Variants in VAT1L observed in about 807,000 individuals in gnomAD.
The protein encoded by VAT1L is vesicle amine transport 1 like.
In VAT1L, 34 loss-of-function variants were observed where a neutral mutation model predicts 44.1. That is an observed-to-expected ratio of 0.77 (90% CI 0.59 to 1.03). The LOEUF (loss-of-function observed/expected upper bound fraction) is 1.03. Among genes scored for constraint, VAT1L ranks in the 50% least tolerant of loss-of-function variants. The probability of loss-of-function intolerance (pLI) is 0.00; values close to 1 mark genes in which losing one functional copy is unlikely to be tolerated. For missense variants in VAT1L, 615 were observed against 538.8 expected (o/e 1.14, Z -1.40); for synonymous variants, 253 against 202.2 (o/e 1.25, Z -2.13).
intron 1 of VAT1L, among the ~76,000 whole-genome samples, chr16:77,806,356 C>T (rs1241773507): frequency 6.6e-6 from 1 of 151,760 alleles, no homozygotes; most frequent in Non-Finnish European, 1.5e-5. Flanking sequence ...ACTACAGGTG[C>T]CCACCACCAC....
intron 7 of VAT1L, chr16:77,892,744 T>C (rs382587): frequency 0.92 from 691,574 of 751,116 alleles, 319,955 homozygotes; most frequent in Non-Finnish European, 0.95. Context: ...CCAGCACAAA[T>C]GGTTTCTAGT....
intron 7 of VAT1L, among the ~76,000 whole-genome samples, chr16:77,937,490 C>CG: frequency 6.6e-6 from 1 of 152,280 alleles, no homozygotes; most frequent in Middle Eastern, 3.4e-3. Context: ...GACTTTCCCC[C>CG]ACTACCTCCC....
intron 5 of VAT1L, among the ~76,000 whole-genome samples, 170 bp from the exon 6 acceptor site, chr16:77,878,999 T>C (rs1298359519): frequency 1.3e-5 from 2 of 152,344 alleles, no homozygotes; most frequent in East Asian, 3.9e-4. Flanking sequence ...TCAGCTAACA[T>C]AGTCAACTTT....
intron 7 of VAT1L, among the ~76,000 whole-genome samples, chr16:77,916,730 T>G (rs1035931513): frequency 2.6e-5 from 4 of 152,112 alleles, no homozygotes; most frequent in Admixed American, 6.5e-5. Flanking sequence ...TATGCTGGAA[T>G]CGTCTTTTGT....
intron 3 of VAT1L, among the ~76,000 whole-genome samples, chr16:77,834,010 A>T (rs1482096678): frequency 6.6e-6 from 1 of 152,080 alleles, no homozygotes; most frequent in Admixed American, 6.5e-5. Flanking sequence ...AGGCTTCCTC[A>T]TTAGTTTCCT....
chr16:77,808,436 A>G (rs1597170652), intron 1 of VAT1L, among the ~76,000 whole-genome samples: 2 of 152,148 alleles, frequency 1.3e-5, no homozygotes, highest in African/African-American at 2.4e-5. Context: ...AATGCACAGT[A>G]AATGTCATGT....
At chr16:77,969,100 T>A (rs2018252880) in intron 7 of VAT1L, among the ~76,000 whole-genome samples, 1 of 152,220 alleles carries the variant, frequency 6.6e-6, no homozygotes, top group East Asian at 1.9e-4. Flanking sequence ...ATTACAAGCG[T>A]GAGCCACTAT....
chr16:77,960,981 A>G (rs866359299), intron 7 of VAT1L, among the ~76,000 whole-genome samples: 2 of 152,230 alleles, frequency 1.3e-5, no homozygotes, highest in East Asian at 1.9e-4. Flanking sequence ...TTCAGCTCCA[A>G]TGGGTTGCAA....
At chr16:77,838,215 A>C (rs1046301566) in intron 3 of VAT1L, among the ~76,000 whole-genome samples, 4 of 152,050 alleles carry the variant, frequency 2.6e-5, no homozygotes, top group Admixed American at 2.0e-4. Context: ...GGTTTATATG[A>C]CTCTGGGGAC....
chr16:77,816,833 A>AAAAGAAAAG, intron 1 of VAT1L, 88 bp from the exon 2 acceptor site: 1 of 1,453,732 alleles, frequency 6.9e-7, no homozygotes, highest in Non-Finnish European at 9.1e-7. Flanking sequence ...GGAAAGGAGG[A>AAAAGAAAAG]AAAGAAAAGA....
In VAT1L at chr16:77,977,680, G is replaced by A. The variant is rs2018356108; in HGVS notation, c.1245G>A (p.Met415Ile). The A allele has an allele frequency of 6.2e-7, 1 of 1,613,964 alleles. No individual in the cohort carries two copies. The highest frequency in any genetic ancestry group is 8.5e-7 in the Non-Finnish European group (1 of 1,179,912). Reference sequence around the variant, plus strand: ...GAGACAGCGAGAACAAGGAGCGGATGCCCTTTATCCAGTAACTGAGGACCC... The same window carrying A: ...GAGACAGCGAGAACAAGGAGCGGATACCCTTTATCCAGTAACTGAGGACCC... The part of the protein sequence containing the change: ...HEGDSENKER[M>I]PFIQ The change falls in exon 9 of 9, where the codon ATG (methionine) becomes ATA (isoleucine). Residue 415 changes from methionine to isoleucine, a missense_variant. Coordinates refer to ENST00000302536, the MANE Select transcript of VAT1L (RefSeq NM_020927.3).
chr16:77,945,647 A>G, intron 7 of VAT1L, among the ~76,000 whole-genome samples: 1 of 151,978 alleles, frequency 6.6e-6, no homozygotes, highest in East Asian at 1.9e-4. Context: ...TATTCAACAG[A>G]GACATTTAAA....
intron 4 of VAT1L, among the ~76,000 whole-genome samples, chr16:77,865,043 G>A (rs528121180): frequency 4.8e-5 from 7 of 145,510 alleles, no homozygotes; most frequent in African/African-American, 1.8e-4. Flanking sequence ...GTGCAATCTC[G>A]GCTCATTGCA....
At chr16:77,949,273 T>G (rs2142521652) in intron 7 of VAT1L, among the ~76,000 whole-genome samples, 1 of 152,170 alleles carries the variant, frequency 6.6e-6, no homozygotes, top group Non-Finnish European at 1.5e-5. Context: ...CAATTAAAGG[T>G]CAAGTCTAGA....
chr16:77,855,121 C>A (rs1304973277), intron 3 of VAT1L, among the ~76,000 whole-genome samples: 1 of 152,088 alleles, frequency 6.6e-6, no homozygotes, highest in Non-Finnish European at 1.5e-5. Context: ...GCAGGCAGAT[C>A]ACGAGGTCAG....
At chr16:77,922,610 G>A (rs1256140186) in intron 7 of VAT1L, among the ~76,000 whole-genome samples, 1 of 152,174 alleles carries the variant, frequency 6.6e-6, no homozygotes, top group Non-Finnish European at 1.5e-5. Flanking sequence ...CAGTGGAGAA[G>A]TAGGGAAACA....
intron 4 of VAT1L, among the ~76,000 whole-genome samples, chr16:77,869,060 CA>C (rs111288878): frequency 1.1e-4 from 16 of 145,806 alleles, no homozygotes; most frequent in Middle Eastern, 3.5e-3. Flanking sequence ...GGTGAAACTA[CA>C]AAAAAAAAAT....
chr16:77,832,121 C>T (rs537455820), intron 3 of VAT1L, among the ~76,000 whole-genome samples: 20 of 151,970 alleles, frequency 1.3e-4, no homozygotes, highest in African/African-American at 3.9e-4. Flanking sequence ...AGCCACCGTG[C>T]GCAGCCCCAG....
chr16:77,913,370 C>A (rs2142487224), intron 7 of VAT1L, among the ~76,000 whole-genome samples: 1 of 152,188 alleles, frequency 6.6e-6, no homozygotes, highest in African/African-American at 2.4e-5. Context: ...TTCTTTCCTT[C>A]TATTCTCATT....
Sources: gnomAD v4.1 joint callset for allele counts (sites outside exome capture counted in the v4.1 genomes callset) on GRCh38, gnomAD v4.1.1 for gene constraint, MANE v1.5 for transcripts, NCBI Gene and HGNC (gene_info 2026-07-23, HGNC 2026-07-21) for gene names.